BDP1: variants seen among roughly 807,000 people sequenced by gnomAD.
The protein encoded by BDP1 is BDP1 general transcription factor IIIB subunit.
Under a neutral mutation model 266.6 loss-of-function variants are expected in BDP1, and 169 were observed. That is an observed-to-expected ratio of 0.63 (90% CI 0.56 to 0.72). BDP1 has a LOEUF of 0.72. BDP1 is among the 30% of genes least tolerant of loss of function. The pLI is 0.00. For missense variants in BDP1, 3,015 were observed against 3,053.8 expected (o/e 0.99, Z 0.30); for synonymous variants, 1,090 against 1,022.4 (o/e 1.07, Z -1.26).
intron 11 of BDP1, among the ~76,000 whole-genome samples, chr5:71,493,155 T>A (rs1561703812): frequency 6.6e-6 from 1 of 152,238 alleles, no homozygotes; most frequent in Admixed American, 6.5e-5. Flanking sequence ...CTATTTCTCA[T>A]AGTTGTTTGT....
intron 38 of BDP1, 192 bp downstream of exon 38, chr5:71,562,712 G>T: frequency 6.7e-7 from 1 of 1,485,160 alleles, no homozygotes; most frequent in Non-Finnish European, 9.0e-7. Context: ...GTTACAGTTA[G>T]ATTAGTACAG....
intron 7 of BDP1, among the ~76,000 whole-genome samples, chr5:71,477,492 T>C (rs138086186): frequency 0.025 from 3,796 of 152,286 alleles, 72 homozygotes; most frequent in South Asian, 0.073. Flanking sequence ...TATTTTATAA[T>C]AGTTTAATGA....
chr5:71,495,702 T>G (rs541483571), intron 12 of BDP1, among the ~76,000 whole-genome samples: 2 of 152,334 alleles, frequency 1.3e-5, no homozygotes, highest in Admixed American at 1.3e-4. Flanking sequence ...AGCCTAAATA[T>G]TTGCCATGAG....
In BDP1 at chr5:71,509,919, G is replaced by A. The variant is rs1315867833; in HGVS notation, c.2827G>A (p.Gly943Ser). Reference sequence around the variant, plus strand: ...AAGAGAAATATCCCCACAGAAAAATGGCCCAGAGGAGGTTAAGCCTCTAGG... The same window carrying A: ...AAGAGAAATATCCCCACAGAAAAATAGCCCAGAGGAGGTTAAGCCTCTAGG... The part of the protein sequence containing the change: ...GRREISPQKN[G>S]PEEVKPLGEV... Residue 943 changes from glycine (G) to serine (S), a missense_variant, in exon 17 of 39, where the codon GGC becomes AGC. Physicochemically the swap from Gly to Ser is moderately conservative, Grantham distance 56 (BLOSUM62 0). Transcript: ENST00000358731. The A allele has an allele frequency of 6.2e-7, 1 of 1,613,804 alleles. No homozygotes were observed. The highest frequency in any genetic ancestry group is 1.3e-5 in the African/African-American group (1 of 74,854).
chr5:71,496,241 CAAA>C (rs34456179), intron 12 of BDP1, among the ~76,000 whole-genome samples: 3 of 110,096 alleles, frequency 2.7e-5, no homozygotes, highest in Middle Eastern at 4.9e-3. Context: ...GACTCCATTT[CAAA>C]AAAAAAAAAA....
intron 13 of BDP1, among the ~76,000 whole-genome samples, chr5:71,499,484 T>C (rs1372003078): frequency 1.3e-5 from 2 of 152,118 alleles, no homozygotes; most frequent in Non-Finnish European, 2.9e-5. Context: ...CTGGGCATTG[T>C]GACACATGCT....
chr5:71,496,667 C>T (rs1264634533), intron 12 of BDP1, among the ~76,000 whole-genome samples: 2 of 152,160 alleles, frequency 1.3e-5, no homozygotes, highest in African/African-American at 2.4e-5. Flanking sequence ...ACTGCAACCC[C>T]CGCCTCCCGG....
chr5:71,504,774 A>G (rs766132594), intron 16 of BDP1, 23 bp downstream of exon 16: 11 of 1,603,012 alleles, frequency 6.9e-6, no homozygotes, highest in Middle Eastern at 1.7e-4. Flanking sequence ...TTGTTGATAT[A>G]TAATCTTTGG....
At chr5:71,561,835 G>C (rs2112105806) in intron 37 of BDP1, among the ~76,000 whole-genome samples, 1 of 152,294 alleles carries the variant, frequency 6.6e-6, no homozygotes, top group South Asian at 2.1e-4. Flanking sequence ...CAAGTGATTT[G>C]AATGCTAGAG....
intron 21 of BDP1, among the ~76,000 whole-genome samples, chr5:71,516,881 A>G: frequency 6.6e-6 from 1 of 152,172 alleles, no homozygotes; most frequent in East Asian, 1.9e-4. Flanking sequence ...TATTTGAACC[A>G]AAAAGCTCTT....
intron 34 of BDP1, among the ~76,000 whole-genome samples, chr5:71,550,800 G>A (rs930602962): frequency 2.6e-5 from 4 of 152,120 alleles, no homozygotes; most frequent in African/African-American, 9.7e-5. Flanking sequence ...CCACCTCCCG[G>A]GTTCAAGTGA....
intron 13 of BDP1, 30 bp downstream of exon 13, chr5:71,497,456 A>T: frequency 6.5e-7 from 1 of 1,540,660 alleles, no homozygotes; most frequent in Admixed American, 2.1e-5. Context: ...ATGGAAATTA[A>T]AATTATAAAA....
intron 13 of BDP1, among the ~76,000 whole-genome samples, chr5:71,499,357 C>T (rs1228392613): frequency 6.6e-6 from 1 of 152,218 alleles, no homozygotes; most frequent in Non-Finnish European, 1.5e-5. Flanking sequence ...TGGCACACAC[C>T]TGTAATCCCA....
At chr5:71,537,149 C>CAAAAAAAAAAAAAAAAAAAAAAAAAAAA (rs70992979) in intron 26 of BDP1, among the ~76,000 whole-genome samples, 3 of 82,448 alleles carry the variant, frequency 3.6e-5, no homozygotes, top group African/African-American at 4.9e-5. Flanking sequence ...ACCAAAAAAC[C>CAAAAAAAAAAAAAAAAAAAAAAAAAAAA]AAAAAAAAAA....
chr5:71,497,210 A>T, intron 12 of BDP1, 60 bp from the exon 13 acceptor site: 1 of 1,467,488 alleles, frequency 6.8e-7, no homozygotes, highest in African/African-American at 1.4e-5. Flanking sequence ...AGGTTATTTT[A>T]GAAGTTCATT....
intron 26 of BDP1, among the ~76,000 whole-genome samples, chr5:71,536,339 A>C (rs190649228): frequency 6.6e-6 from 1 of 152,358 alleles, no homozygotes; most frequent in Non-Finnish European, 1.5e-5. Flanking sequence ...GTATCCTTAC[A>C]TGTTGATAAA....
chr5:71,547,233 C>A (rs1004365892), intron 32 of BDP1, among the ~76,000 whole-genome samples: 1 of 151,334 alleles, frequency 6.6e-6, no homozygotes, highest in East Asian at 1.9e-4. Context: ...TCCTTATTTT[C>A]CTTTAATCTA....
rs1021183223 is a variant in BDP1 at position 71,513,226 on chromosome 5, C to T, written c.4289C>T (p.Pro1430Leu). Residue 1430 changes from proline to leucine, a missense_variant, in exon 19 of 39, where the codon CCA (proline) becomes CTA (leucine). This residue lies in a region of BDP1 where 2,383 missense variants were observed against 2,404.9 expected (regional missense o/e 0.99). Coordinates refer to ENST00000358731, the MANE Select transcript of BDP1 (RefSeq NM_018429.3). ...GAACAGAAGCCACTTGAAATTAAAC[C>T]AGCACCTTTTGTGAGGAGCCGATTC... Reference protein sequence around the residue: ...PQEQKPLEIKPAPFVRSRFKR... With the variant: ...PQEQKPLEIKLAPFVRSRFKR... The T allele has an allele frequency of 6.2e-7, 1 of 1,613,534 alleles. No individual in the cohort carries two copies. Among genetic ancestry groups the T allele is most frequent in the Non-Finnish European group, 8.5e-7 (1 of 1,179,950 alleles).
At position 71,486,612 on chromosome 5, in the gene BDP1, C is replaced by A. The variant is rs202072250; in HGVS notation, c.1198C>A (p.Arg400=). The A allele has an allele frequency of 2.6e-6, 4 of 1,522,264 alleles. No individual in the cohort carries two copies. In the African/African-American group the frequency reaches 4.4e-5, roughly 17 times the overall value. 94.3% of individuals were successfully genotyped at this position (1,522,264 alleles called of 1,614,324 possible). A position where few individuals can be genotyped will look rare whatever the true frequency, so the allele number is the denominator to read the frequency against. The change falls in exon 9 of 39, where the codon CGG becomes AGG. Residue 400 remains arginine (R), a synonymous_variant. Transcript: ENST00000358731. ...SLKEKKSTKP[R]KNVKVKKVAC... is the part of the protein sequence containing the mutation. ...AAAGGAGAAGAAATCCACCAAACCA[C>A]GGAAAAATGTAAAAGGTATTGATTT...
Sources: allele counts gnomAD v4.1 joint callset (sites outside exome capture counted in the v4.1 genomes callset), GRCh38; gene constraint gnomAD v4.1.1; regional missense constraint gnomAD v4.1.1; transcripts MANE v1.5; gene names NCBI Gene and HGNC (gene_info 2026-07-23, HGNC 2026-07-21).